Variants in NRXN3 observed in about 807,000 individuals in gnomAD.
NRXN3 encodes neurexin III.
Under a neutral mutation model 137.6 loss-of-function variants are expected in NRXN3, and 32 were observed. The observed-to-expected ratio is 0.23, with a 90% CI of 0.18 to 0.31. NRXN3 has a LOEUF of 0.31. Among genes scored for constraint, NRXN3 ranks in the 10% least tolerant of loss-of-function variants. NRXN3 has a pLI of 1.00. For synonymous variants in NRXN3, 798 were observed against 784.5 expected, an observed-to-expected ratio of 1.02 and a Z score of -0.29; for missense variants, 1,574 against 2,062.5, an observed-to-expected ratio of 0.76 and a Z score of 4.59.
chr14:79,130,810 G>A (rs1319340284), intron 15 of NRXN3, among the ~76,000 whole-genome samples: 1 of 152,034 alleles, frequency 6.6e-6, no homozygotes, highest in East Asian at 1.9e-4. Context: ...TCACTTTCAG[G>A]TACACCAATC....
At chr14:78,706,168 T>TA (rs1233804067) in intron 6 of NRXN3, among the ~76,000 whole-genome samples, 4 of 152,214 alleles carry the variant, frequency 2.6e-5, no homozygotes, top group Non-Finnish European at 5.9e-5. Flanking sequence ...CATTAATAAT[T>TA]AACCTTTACT....
At chr14:79,741,974 T>C (rs912100796) in intron 19 of NRXN3, among the ~76,000 whole-genome samples, 2 of 152,212 alleles carry the variant, frequency 1.3e-5, no homozygotes, top group African/African-American at 4.8e-5. Context: ...AAACACCAGT[T>C]CACAGGCTTC....
chr14:78,495,232 C>T (rs2095756801), intron 4 of NRXN3, among the ~76,000 whole-genome samples: 2 of 151,358 alleles, frequency 1.3e-5, no homozygotes, highest in African/African-American at 2.4e-5. Context: ...TCCATTTCTA[C>T]TGGGATGAGC....
At chr14:78,604,302 GTT>G (rs11323166) in intron 4 of NRXN3, among the ~76,000 whole-genome samples, 25 of 141,480 alleles carry the variant, frequency 1.8e-4, no homozygotes, top group Admixed American at 2.8e-4. Flanking sequence ...TTGGTCATTT[GTT>G]TTTTTTTTTT....
At chr14:78,512,789 G>T (rs1328100832) in intron 4 of NRXN3, among the ~76,000 whole-genome samples, 1 of 152,192 alleles carries the variant, frequency 6.6e-6, no homozygotes, top group African/African-American at 2.4e-5. Flanking sequence ...AAAGGAACCT[G>T]CAGGCGAAAA....
intron 15 of NRXN3, among the ~76,000 whole-genome samples, chr14:79,225,474 A>T (rs1230028059): frequency 6.6e-6 from 1 of 152,130 alleles, no homozygotes; most frequent in East Asian, 1.9e-4. Flanking sequence ...ATTATCATGG[A>T]ACAACTGGCT....
At chr14:78,641,994 G>A (rs2097639511) in intron 4 of NRXN3, among the ~76,000 whole-genome samples, 1 of 152,162 alleles carries the variant, frequency 6.6e-6, no homozygotes, top group African/African-American at 2.4e-5. Context: ...GGGCTGAAAG[G>A]GAAACATTTC....
At chr14:79,354,358 T>C (rs1357332681) in intron 15 of NRXN3, among the ~76,000 whole-genome samples, 1 of 152,174 alleles carries the variant, frequency 6.6e-6, no homozygotes, top group African/African-American at 2.4e-5. Context: ...CTGGTGTCTG[T>C]AAAAATGTTA....
intron 4 of NRXN3, among the ~76,000 whole-genome samples, chr14:78,470,243 C>T (rs2095233752): frequency 6.6e-6 from 1 of 152,176 alleles, no homozygotes; most frequent in African/African-American, 2.4e-5. Flanking sequence ...ATGAGAATCC[C>T]TTTGGGGATG....
chr14:79,183,110 C>T (rs2063126450), intron 15 of NRXN3, among the ~76,000 whole-genome samples: 1 of 152,118 alleles, frequency 6.6e-6, no homozygotes, highest in Non-Finnish European at 1.5e-5. Context: ...TATTATTTTG[C>T]TCTTGATCTA....
intron 8 of NRXN3, among the ~76,000 whole-genome samples, chr14:78,762,063 C>T (rs1204926861): frequency 2.0e-5 from 3 of 152,108 alleles, no homozygotes; most frequent in East Asian, 1.9e-4. Context: ...AGTGTTTAAA[C>T]GTTGACACTC....
At chr14:78,490,246 C>G (rs968031240) in intron 4 of NRXN3, among the ~76,000 whole-genome samples, 1 of 81,152 alleles carries the variant, frequency 1.2e-5, no homozygotes, top group African/African-American at 5.5e-5. Flanking sequence ...TGTGATCCAC[C>G]ACACCCGGCC....
At chr14:79,833,093 G>A (rs1483025804) in intron 20 of NRXN3, among the ~76,000 whole-genome samples, 1 of 152,098 alleles carries the variant, frequency 6.6e-6, no homozygotes, top group Non-Finnish European at 1.5e-5. Context: ...GCCACAGCAC[G>A]TCTTTCCTAA....
At chr14:78,487,379 GA>G (rs558753422) in intron 4 of NRXN3, among the ~76,000 whole-genome samples, 193 of 152,212 alleles carry the variant, frequency 1.3e-3, no homozygotes, top group African/African-American at 4.4e-3. Flanking sequence ...ATCTCTGGGG[GA>G]TAGTACTTCA....
At chr14:78,877,472 T>A (rs2099116597) in intron 10 of NRXN3, among the ~76,000 whole-genome samples, 1 of 152,166 alleles carries the variant, frequency 6.6e-6, no homozygotes, top group Admixed American at 6.5e-5. Context: ...TTCCTTGGAA[T>A]TCAAAATACA....
At chr14:79,444,109 G>C (rs1478146512) in intron 15 of NRXN3, among the ~76,000 whole-genome samples, 1 of 152,120 alleles carries the variant, frequency 6.6e-6, no homozygotes, top group African/African-American at 2.4e-5. Flanking sequence ...TGAAGTAGTG[G>C]GACCTGAATC....
At chr14:79,158,368 A>G (rs544500465) in intron 15 of NRXN3, among the ~76,000 whole-genome samples, 2 of 151,996 alleles carry the variant, frequency 1.3e-5, no homozygotes, top group Middle Eastern at 3.4e-3. Context: ...TTAATGTGGT[A>G]TCAATTTAGG....
intron 16 of NRXN3, among the ~76,000 whole-genome samples, chr14:79,518,960 C>A (rs2097027433): frequency 6.6e-6 from 1 of 152,006 alleles, no homozygotes; most frequent in African/African-American, 2.4e-5. Context: ...TAATTATTTT[C>A]TTTTTCTATG....
chr14:78,275,444 A>G (rs2073435353), intron 2 of NRXN3, among the ~76,000 whole-genome samples: 1 of 152,192 alleles, frequency 6.6e-6, no homozygotes, highest in Non-Finnish European at 1.5e-5. Context: ...AGTTGCCTCT[A>G]GATGAGGGGG....
Sources: allele counts gnomAD v4.1 joint callset (sites outside exome capture counted in the v4.1 genomes callset), GRCh38; gene constraint gnomAD v4.1.1; transcripts MANE v1.5; gene names NCBI Gene and HGNC (gene_info 2026-07-23, HGNC 2026-07-21).